Variants in MROH9 observed in about 807,000 individuals in gnomAD.
The protein encoded by MROH9 is maestro heat-like repeat-containing protein family member 9.
In MROH9, 92 loss-of-function variants were observed where a neutral mutation model predicts 98.2. That is an observed-to-expected ratio of 0.94 (90% CI 0.79 to 1.11). The LOEUF (loss-of-function observed/expected upper bound fraction) is 1.11, where lower values mean the gene tolerates loss of function less well. MROH9 is among the 50% of genes most tolerant of loss of function. MROH9 has a pLI of 0.00. For missense variants in MROH9, 1,057 were observed against 1,014.8 expected (o/e 1.04, Z -0.57); for synonymous variants, 397 against 368.9 (o/e 1.08, Z -0.87).
intron 8 of MROH9, among the ~76,000 whole-genome samples, chr1:170,975,138 T>G (rs1002602737): frequency 6.6e-6 from 1 of 151,944 alleles, no homozygotes; most frequent in African/African-American, 2.4e-5. Context: ...TCATAATAAA[T>G]GTAAATATTC....
chr1:170,970,702 C>CTGTG (rs3980698), intron 7 of MROH9, among the ~76,000 whole-genome samples: 6,015 of 118,296 alleles, frequency 0.051, 411 homozygotes, highest in African/African-American at 0.16. Context: ...TTAGGAATTT[C>CTGTG]TGTGTGTGTG....
chr1:170,969,032 G>T (rs1271501456), intron 7 of MROH9, among the ~76,000 whole-genome samples: 1 of 152,100 alleles, frequency 6.6e-6, no homozygotes, highest in Non-Finnish European at 1.5e-5. Flanking sequence ...ATAGTTTAGT[G>T]GTTCTCCAAC....
chr1:170,989,749 T>C (rs1400337195), intron 10 of MROH9, 106 bp from the exon 11 acceptor site: 2 of 1,014,208 alleles, frequency 2.0e-6, no homozygotes, highest in Non-Finnish European at 1.4e-6. Flanking sequence ...AGTTGCTGCT[T>C]TGGTAATTCT....
At chr1:171,027,515 A>G (rs542358062) in intron 20 of MROH9, among the ~76,000 whole-genome samples, 4 of 152,200 alleles carry the variant, frequency 2.6e-5, no homozygotes, top group African/African-American at 9.7e-5. Flanking sequence ...CAATAAACAT[A>G]CATGTGCACT....
intron 20 of MROH9, among the ~76,000 whole-genome samples, chr1:171,057,795 C>T (rs2101874718): frequency 6.6e-6 from 1 of 152,270 alleles, no homozygotes; most frequent in South Asian, 2.1e-4. Context: ...CAAACCAGAA[C>T]AGATTGGGGG....
At chr1:170,981,134 A>G (rs1650914337) in intron 8 of MROH9, among the ~76,000 whole-genome samples, 1 of 152,176 alleles carries the variant, frequency 6.6e-6, no homozygotes, top group African/African-American at 2.4e-5. Flanking sequence ...GAGGATGTGG[A>G]GCAATAGGAA....
chr1:170,989,408 A>C (rs573221845), intron 10 of MROH9, among the ~76,000 whole-genome samples: 1 of 152,348 alleles, frequency 6.6e-6, no homozygotes, highest in Admixed American at 6.5e-5. Context: ...ATTCTGGGTC[A>C]TTCCTCCAAT....
At chr1:170,947,505 G>T (rs4656817) in intron 2 of MROH9, 22 bp from the exon 3 acceptor site, 326,616 of 1,600,878 alleles carry the variant, frequency 0.2, 36,420 homozygotes, top group South Asian at 0.36. Context: ...CCTTTTTAAC[G>T]AATCTCCTTC....
intron 20 of MROH9, among the ~76,000 whole-genome samples, chr1:171,031,516 T>TGAACA (rs1652912713): frequency 6.6e-6 from 1 of 152,198 alleles, no homozygotes; most frequent in African/African-American, 2.4e-5. Context: ...TGAAATGATT[T>TGAACA]TATTTCTCCT....
intron 8 of MROH9, 84 bp downstream of exon 8, chr1:170,971,967 C>A: frequency 2.1e-6 from 3 of 1,398,638 alleles, no homozygotes; most frequent in Non-Finnish European, 2.9e-6. Flanking sequence ...GAAGGCTCTA[C>A]GTCTGTTAAT....
intron 20 of MROH9, among the ~76,000 whole-genome samples, chr1:171,053,722 G>T (rs1653740233): frequency 6.6e-6 from 1 of 152,132 alleles, no homozygotes; most frequent in South Asian, 2.1e-4. Context: ...GAAATGGAAT[G>T]CAGAACTCAA....
intron 4 of MROH9, 82 bp from the exon 5 acceptor site, chr1:170,959,380 A>T (rs1649918642): frequency 3.1e-6 from 4 of 1,280,188 alleles, no homozygotes; most frequent in Non-Finnish European, 3.1e-6. Context: ...GTCTCAAAAT[A>T]AATAAATAAA....
At chr1:170,952,750 A>T (rs1195536082) in intron 3 of MROH9, among the ~76,000 whole-genome samples, 4 of 148,606 alleles carry the variant, frequency 2.7e-5, no homozygotes, top group African/African-American at 9.8e-5. Flanking sequence ...AAAGTATAAT[A>T]AAAAATATAT....
Position 171,016,218 on chromosome 1 carries a change from A to G in MROH9, c.1790A>G (p.Asp597Gly). 1 of 1,537,272 alleles carries G rather than the reference A, an allele frequency of 6.5e-7. No individual in the cohort carries two copies. The highest frequency in any genetic ancestry group is 2.1e-5 in the Admixed American group (1 of 48,522). The change falls in exon 17 of 22, where the codon GAC becomes GGC. Residue 597 changes from aspartate (D) to glycine (G), a missense_variant. Physicochemically the swap from Asp to Gly is moderately conservative, Grantham distance 94. Transcript: ENST00000367759. ...ATCCTGGATGCCTTCCTTTCCAAAGACGATAATGTTGTACTTCAGGCCTTG... is the reference window on the plus strand; with the variant it reads ...ATCCTGGATGCCTTCCTTTCCAAAGGCGATAATGTTGTACTTCAGGCCTTG... ...IAILDAFLSK[D>G]DNVVLQALLT...
Position 170,947,482 on chromosome 1 carries a change from G to C in MROH9, c.26-45G>C, listed in dbSNP as rs558661952. The C allele has an allele frequency of 3.9e-6, 6 of 1,545,434 alleles. No individual in the cohort carries two copies. In the African/African-American group the frequency reaches 8.2e-5, roughly 21 times the overall value. On this transcript the variant is annotated intron_variant, in intron 2 of 21. Transcript: ENST00000367759. The stretch of plus-strand genomic sequence containing the variant: ...ATAAGGCCCCACTAAGATGATAGGA[G>C]TCTATGTTCATTCCTTTTTAACGAA...
chr1:170,994,374 T>C (rs1651475490), intron 12 of MROH9, among the ~76,000 whole-genome samples: 2 of 152,200 alleles, frequency 1.3e-5, no homozygotes, highest in South Asian at 2.1e-4. Flanking sequence ...AAAGTACATA[T>C]GTTATTATTG....
intron 20 of MROH9, among the ~76,000 whole-genome samples, chr1:171,025,877 G>T (rs1557903499): frequency 6.6e-6 from 1 of 151,960 alleles, no homozygotes; most frequent in Non-Finnish European, 1.5e-5. Flanking sequence ...AAGACTCTAA[G>T]ACTAGACAAG....
chr1:170,978,373 T>C (rs1337100190), intron 8 of MROH9, among the ~76,000 whole-genome samples: 1 of 152,136 alleles, frequency 6.6e-6, no homozygotes, highest in Non-Finnish European at 1.5e-5. Flanking sequence ...GTCAAACACC[T>C]CTGGGAGCCT....
Position 170,981,581 on chromosome 1 carries a change from G to A in MROH9, c.617-1841G>A, listed in dbSNP as rs377581531. 1.1e-4 allele frequency among the ~76,000 whole-genome samples: 17 copies of A among 152,142 alleles called. No individual in the cohort carries two copies. The South Asian group carries it at 3.5e-3, about 32-fold the overall frequency. On this transcript the variant is annotated intron_variant, in intron 8 of 21. Transcript: ENST00000367759. Reference sequence around the variant, plus strand: ...ATTGAGAACACATGGACACAGAGAGGGGAACAACACACACCAGGGCTTGTT... The same window carrying A: ...ATTGAGAACACATGGACACAGAGAGAGGAACAACACACACCAGGGCTTGTT...
Sources: allele counts gnomAD v4.1 joint callset (sites outside exome capture counted in the v4.1 genomes callset), GRCh38; gene constraint gnomAD v4.1.1; transcripts MANE v1.5; gene names NCBI Gene and HGNC (gene_info 2026-07-23, HGNC 2026-07-21).